Variants in ARHGAP39 observed in about 807,000 individuals in gnomAD.
ARHGAP39 encodes rho GTPase-activating protein 39.
Under a neutral mutation model 106.9 loss-of-function variants are expected in ARHGAP39, and 44 were observed. The observed-to-expected ratio is 0.41, with a 90% CI of 0.32 to 0.53. The LOEUF (loss-of-function observed/expected upper bound fraction) is 0.53. Among genes scored for constraint, ARHGAP39 ranks in the 20% least tolerant of loss-of-function variants. The probability of loss-of-function intolerance (pLI) is 0.21; values close to 1 mark genes in which losing one functional copy is unlikely to be tolerated. For missense variants in ARHGAP39, 1,496 were observed against 1,577.3 expected (o/e 0.95, Z 0.87); for synonymous variants, 768 against 693.2 (o/e 1.11, Z -1.69).
intron 1 of ARHGAP39, among the ~76,000 whole-genome samples, chr8:144,673,157 C>G (rs904575070): frequency 1.3e-5 from 2 of 151,172 alleles, no homozygotes; most frequent in South Asian, 4.2e-4. Flanking sequence ...GTCAAAGATA[C>G]AGTGAGCAGA....
the ARHGAP39 span, chr8:144,698,528 G>A: frequency 5.3e-6 from 1 of 188,742 alleles, no homozygotes; most frequent in Non-Finnish European, 1.1e-5. Flanking sequence ...ATCTCTAAAG[G>A]TTGGTGAGAG....
At chr8:144,593,476 C>G (rs1356333700) in intron 2 of ARHGAP39, among the ~76,000 whole-genome samples, 1 of 152,150 alleles carries the variant, frequency 6.6e-6, no homozygotes, top group East Asian at 1.9e-4. Flanking sequence ...TGACAAAACT[C>G]TTAGAATAGA....
chr8:144,665,400 A>C (rs2129702548), intron 1 of ARHGAP39, among the ~76,000 whole-genome samples: 1 of 152,366 alleles, frequency 6.6e-6, no homozygotes, highest in African/African-American at 2.4e-5. Context: ...AATTTGCATA[A>C]GTAGCAAGGA....
At chr8:144,652,581 A>G (rs1821600663) in intron 1 of ARHGAP39, among the ~76,000 whole-genome samples, 2 of 152,216 alleles carry the variant, frequency 1.3e-5, no homozygotes, top group Non-Finnish European at 2.9e-5. Context: ...ATGCAGCCAT[A>G]AAAAAGAATA....
At chr8:144,618,279 G>T (rs750779691) in intron 1 of ARHGAP39, among the ~76,000 whole-genome samples, 19 of 152,326 alleles carry the variant, frequency 1.2e-4, no homozygotes, top group Non-Finnish European at 2.4e-4. Context: ...GCCACATGGG[G>T]TCCTGAAAGG....
intron 6 of ARHGAP39, among the ~76,000 whole-genome samples, chr8:144,538,606 GGAGT>G (rs1817059716): frequency 6.6e-6 from 1 of 152,196 alleles, no homozygotes; most frequent in Admixed American, 6.5e-5. Context: ...CACCCAGGCT[GGAGT>G]GAGTGGTGCG....
At chr8:144,581,347 C>T in intron 2 of ARHGAP39, 70 bp from the exon 3 acceptor site, 2 of 1,436,156 alleles carry the variant, frequency 1.4e-6, no homozygotes, top group East Asian at 2.5e-5. Context: ...CCCCTGCAGA[C>T]CCCGGCTCCA....
intron 3 of ARHGAP39, among the ~76,000 whole-genome samples, chr8:144,563,193 A>G (rs972098845): frequency 6.6e-6 from 1 of 152,240 alleles, no homozygotes; most frequent in Non-Finnish European, 1.5e-5. Context: ...ATGTGAAAAT[A>G]TAAGCCTATG....
intron 1 of ARHGAP39, among the ~76,000 whole-genome samples, chr8:144,638,480 C>A (rs1442330197): frequency 2.0e-5 from 3 of 152,366 alleles, no homozygotes; most frequent in East Asian, 3.9e-4. Flanking sequence ...GGGCTGAAAT[C>A]AAATGTATCT....
intron 1 of ARHGAP39, among the ~76,000 whole-genome samples, chr8:144,659,115 C>T (rs1391052308): frequency 6.6e-6 from 1 of 152,132 alleles, no homozygotes; most frequent in African/African-American, 2.4e-5. Flanking sequence ...CAGTAAACTT[C>T]CTAAAGACAA....
chr8:144,608,181 A>AAAAAAAT (rs1243780533), intron 1 of ARHGAP39, among the ~76,000 whole-genome samples: 1 of 146,324 alleles, frequency 6.8e-6, no homozygotes, highest in African/African-American at 2.6e-5. Context: ...AAAAAAAAAA[A>AAAAAAAT]GGAAAAAGAA....
intron 1 of ARHGAP39, among the ~76,000 whole-genome samples, chr8:144,620,889 G>C (rs1820790957): frequency 6.6e-6 from 1 of 152,400 alleles, no homozygotes; most frequent in East Asian, 1.9e-4. Context: ...GGTGGCCACT[G>C]TGCCCTCGAG....
Position 144,652,048 on chromosome 8 carries a change from C to T in ARHGAP39, c.-82+33638G>A, listed in dbSNP as rs117619713. ...ATAACACAGATACAAAAAGCAATGG[C>T]AACAAAAGCAAAAGTTGATAAATGA... On this transcript the variant is annotated intron_variant, in intron 1 of 11. Coordinates refer to ENST00000377307, the MANE Select transcript of ARHGAP39 (RefSeq NM_025251.3). Among the ~76,000 whole-genome samples the T allele has an allele frequency of 0.016, 2,472 of 152,102 alleles. 208 individuals carry two copies. The East Asian group carries it at 0.25, about 15-fold the overall frequency.
At chr8:144,546,283 G>T (rs1163542007) in intron 5 of ARHGAP39, among the ~76,000 whole-genome samples, 1 of 152,168 alleles carries the variant, frequency 6.6e-6, no homozygotes, top group Admixed American at 6.5e-5. Context: ...CCGACCTCCA[G>T]GAGGCCCCTC....
intron 7 of ARHGAP39, 90 bp from the exon 8 acceptor site, chr8:144,534,292 C>T: frequency 6.8e-7 from 1 of 1,473,456 alleles, no homozygotes; most frequent in Non-Finnish European, 9.4e-7. Flanking sequence ...CTTCGAGGGC[C>T]CTGGGGGGCT....
intron 1 of ARHGAP39, among the ~76,000 whole-genome samples, chr8:144,653,244 T>C (rs1821616955): frequency 6.6e-6 from 1 of 152,148 alleles, no homozygotes; most frequent in Non-Finnish European, 1.5e-5. Flanking sequence ...GAGGTTGCAG[T>C]GAGCCAAGAT....
At chr8:144,665,381 A>G (rs1821937346) in intron 1 of ARHGAP39, among the ~76,000 whole-genome samples, 1 of 152,258 alleles carries the variant, frequency 6.6e-6, no homozygotes, top group African/African-American at 2.4e-5. Flanking sequence ...AATTCAAGCC[A>G]GCAGCACAAA....
intron 1 of ARHGAP39, among the ~76,000 whole-genome samples, chr8:144,610,123 C>T (rs1820437449): frequency 6.6e-6 from 1 of 152,100 alleles, no homozygotes. Context: ...GTTATTATAC[C>T]ATACTATTCC....
At chr8:144,635,026 A>G (rs1167918593) in intron 1 of ARHGAP39, among the ~76,000 whole-genome samples, 1 of 152,286 alleles carries the variant, frequency 6.6e-6, no homozygotes, top group Non-Finnish European at 1.5e-5. Flanking sequence ...CGAATCCCTA[A>G]TCTAGGTGTT....
Sources: gnomAD v4.1 joint callset for allele counts (sites outside exome capture counted in the v4.1 genomes callset) on GRCh38, gnomAD v4.1.1 for gene constraint, MANE v1.5 for transcripts, NCBI Gene and HGNC (gene_info 2026-07-23, HGNC 2026-07-21) for gene names.